PAX1: variants seen among roughly 807,000 people sequenced by gnomAD.
PAX1 encodes the protein paired box 1.
In PAX1, 18 loss-of-function variants were observed where a neutral mutation model predicts 35.6. The ratio of observed to expected loss-of-function variants is 0.50; its 90% CI spans 0.35 to 0.75. The LOEUF (loss-of-function observed/expected upper bound fraction) is 0.75. Ranked by LOEUF, PAX1 falls within the 30% of genes least tolerant of loss-of-function variation. The pLI is 0.01. For synonymous variants in PAX1, 397 were observed against 305.2 expected (o/e 1.30, Z -3.14); for missense variants, 760 against 661.5 (o/e 1.15, Z -1.63).
rs1037783809 is a variant in PAX1 at position 21,705,677 on chromosome 20, T to C, written c.-36T>C. On this transcript the variant is annotated 5_prime_UTR_variant, in exon 1 of 5. Coordinates refer to ENST00000613128, the MANE Select transcript of PAX1 (RefSeq NM_001257096.2). ...ACACGTCAAATTGATTCCCGCACGC[T>C]GCAGCCTCCCGGTCAGACGAATTTC... The C allele has an allele frequency of 1.2e-5, 15 of 1,228,892 alleles. No individual in the cohort carries two copies. The highest frequency in any genetic ancestry group is 4.3e-5 in the Admixed American group (1 of 23,128). 76.1% of individuals were successfully genotyped at this position (1,228,892 alleles called of 1,614,324 possible).
rs1268930776 is a variant in PAX1 at position 21,709,742 on chromosome 20, CG to C, written c.1282+300del. ...CACACAGGACGCGTGGGTTTGGATC[CG>C]GTTCTGGCACCTTCGACCAAGTTCC... On this transcript the variant is annotated intron_variant, in intron 4 of 4. Coordinates refer to ENST00000613128, the MANE Select transcript of PAX1 (RefSeq NM_001257096.2). Among the ~76,000 whole-genome samples, 5 of 151,996 alleles carry C rather than the reference CG, an allele frequency of 3.3e-5. 1 individual carries two copies. Among genetic ancestry groups the C allele is most frequent in the Admixed American group, 3.3e-4 (5 of 15,258 alleles).
chr20:21,707,565 C>T (rs1011541844), intron 2 of PAX1, among the ~76,000 whole-genome samples: 3 of 152,100 alleles, frequency 2.0e-5, no homozygotes, highest in Non-Finnish European at 4.4e-5. Flanking sequence ...CTGGAGTTTG[C>T]GGTGATGGCT....
intron 4 of PAX1, among the ~76,000 whole-genome samples, chr20:21,710,439 A>T (rs1051732748): frequency 1.3e-5 from 2 of 152,244 alleles, no homozygotes; most frequent in Non-Finnish European, 2.9e-5. Context: ...GGGTCACCCC[A>T]GGTCGTCCCA....
At chr20:21,708,332 C>A in intron 2 of PAX1, 1 of 650,100 alleles carries the variant, frequency 1.5e-6, no homozygotes, top group Non-Finnish European at 2.8e-6. Flanking sequence ...CGTGGGAAAC[C>A]GGTTGAAGGC....
At chr20:21,711,391 C>T (rs77439543) in intron 4 of PAX1, among the ~76,000 whole-genome samples, 2,111 of 152,274 alleles carry the variant, frequency 0.014, 59 homozygotes, top group African/African-American at 0.049. Flanking sequence ...GTGGAAGTTG[C>T]GGGGAAGCTG....
At chr20:21,708,896 G>A (rs1170171705) in intron 3 of PAX1, among the ~76,000 whole-genome samples, 196 bp downstream of exon 3, 1 of 152,166 alleles carries the variant, frequency 6.6e-6, no homozygotes, top group Admixed American at 6.5e-5. Context: ...TAGAGGGGTT[G>A]ACTTGCCTTT....
At chr20:21,710,861 A>G (rs1355826903) in intron 4 of PAX1, among the ~76,000 whole-genome samples, 1 of 152,272 alleles carries the variant, frequency 6.6e-6, no homozygotes, top group East Asian at 1.9e-4. Context: ...GAAAATTTAT[A>G]AAAATTGGGA....
At position 21,714,882 on chromosome 20, in the gene PAX1, T is replaced by A; in HGVS notation, c.*320T>A. On this transcript the variant is annotated 3_prime_UTR_variant, in exon 5 of 5. Transcript: ENST00000613128. ...CAGCTTCAAATTTCTTTTTTGTCAC[T>A]CCCTTGTCCGTCTCCGTCTCGCCTC... is the stretch of plus-strand genomic sequence containing the variant. 1 of 1,157,272 alleles carries A rather than the reference T, an allele frequency of 8.6e-7. No individual in the cohort carries two copies. Among genetic ancestry groups the A allele is most frequent in the Non-Finnish European group, 1.3e-6 (1 of 787,802 alleles). 71.7% of individuals were successfully genotyped at this position (1,157,272 alleles called of 1,614,324 possible). A position where few individuals can be genotyped will look rare whatever the true frequency, so the allele number is the denominator to read the frequency against.
At chr20:21,714,056 A>G (rs1026075725) in intron 4 of PAX1, among the ~76,000 whole-genome samples, 10 of 152,190 alleles carry the variant, frequency 6.6e-5, no homozygotes, top group Non-Finnish European at 1.5e-4. Flanking sequence ...TGGGGTTTGG[A>G]AAGGGTGAGG....
intron 4 of PAX1, among the ~76,000 whole-genome samples, chr20:21,710,073 GGGT>G (rs1037719698): frequency 2.6e-4 from 38 of 148,978 alleles, no homozygotes; most frequent in African/African-American, 7.1e-4. Flanking sequence ...CTGTGGTTGT[GGGT>G]GGTGGTGGTG....
chr20:21,714,448 C>T (rs1033100420), intron 4 of PAX1, 23 bp from the exon 5 acceptor site: 21 of 1,534,836 alleles, frequency 1.4e-5, no homozygotes, highest in Non-Finnish European at 1.8e-5. Context: ...AGTGATCCGA[C>T]GCCTCTGTGC....
At position 21,705,910 on chromosome 20, in the gene PAX1, C is replaced by T; in HGVS notation, c.198C>T (p.Gly66=). 2 of 1,404,802 alleles carry T rather than the reference C, an allele frequency of 1.4e-6. No individual in the cohort carries two copies. Among genetic ancestry groups the T allele is most frequent in the South Asian group, 1.5e-5 (1 of 65,768 alleles). The allele number at this position is 1,404,802 out of a possible 1,614,324, so 87.0% of individuals were successfully genotyped here. The change falls in exon 1 of 5, where the codon GGC becomes GGT. Residue 66 remains glycine (G), a synonymous_variant. Transcript: ENST00000613128. ...LPLCLSRGGG[G]AQALPDCAGP... The stretch of plus-strand genomic sequence containing the variant: ...TATGCCTCTCACGCGGCGGCGGCGG[C>T]GCCCAAGCTCTCCCGGACTGCGCCG...
Position 21,706,697 on chromosome 20 carries a change from G to T in PAX1, c.546G>T (p.Arg182=), listed in dbSNP as rs200848720. 1.2e-6 allele frequency: 2 copies of T among 1,613,386 alleles called. No individual in the cohort carries two copies. Among genetic ancestry groups the T allele is most frequent in the African/African-American group, 2.7e-5 (2 of 75,070 alleles). The change falls in exon 2 of 5, where the codon CGG becomes CGT. Residue 182 remains arginine (R), a synonymous_variant. Coordinates refer to ENST00000613128, the MANE Select transcript of PAX1 (RefSeq NM_001257096.2). This position sits in a 1 kb window ranked among gnomAD's most constrained non-coding sequence, Gnocchi z 5.3. ...CTCCCAACGTGGTCAAGCACATCCG[G>T]GACTACAAGCAAGGAGACCCTGGCA... The part of the protein sequence containing the change: ...VTTPNVVKHI[R]DYKQGDPGIF...
Position 21,707,029 on chromosome 20 carries a change from G to A in PAX1, c.878G>A (p.Ser293Asn). 6.2e-7 allele frequency: 1 copy of A among 1,613,050 alleles called. No homozygotes were observed. The highest frequency in any genetic ancestry group is 8.5e-7 in the Non-Finnish European group (1 of 1,180,012). ...TCATGGCCCTCGGCACACTCGGTCA[G>A]CAACATCCTGGGCATCCGGACGTTT... The part of the protein sequence containing the change: ...PRSWPSAHSV[S>N]NILGIRTFME... Residue 293 changes from serine (S) to asparagine (N), a missense_variant, in exon 2 of 5, where the codon AGC becomes AAC. This residue lies in a region of PAX1 where 490 missense variants were observed against 428.4 expected (regional missense o/e 1.14). Coordinates refer to ENST00000613128, the MANE Select transcript of PAX1 (RefSeq NM_001257096.2).
rs560571693 is a variant in PAX1 at position 21,714,586 on chromosome 20, C to G, written c.*24C>G. The G allele has an allele frequency of 1.1e-5, 18 of 1,578,012 alleles. No homozygotes were observed. In the South Asian group the frequency reaches 1.9e-4, roughly 17 times the overall value. ...AGGGGCAGCTCTCCCCGGACCCGAG[C>G]CCGGAGGGAACGGCAGGCGGACCCG... On this transcript the variant is annotated 3_prime_UTR_variant, in exon 5 of 5. Transcript: ENST00000613128.
At chr20:21,713,315 G>A (rs892371169) in intron 4 of PAX1, among the ~76,000 whole-genome samples, 56 of 152,160 alleles carry the variant, frequency 3.7e-4, no homozygotes, top group African/African-American at 1.2e-3. Context: ...CAGAGGGGCC[G>A]CTCTGTCCTG....
chr20:21,709,857 C>T (rs967292821), intron 4 of PAX1, among the ~76,000 whole-genome samples: 2 of 152,092 alleles, frequency 1.3e-5, no homozygotes, highest in Non-Finnish European at 2.9e-5. Context: ...TGTTCTGGCA[C>T]CTAAGCCCTT....
intron 4 of PAX1, among the ~76,000 whole-genome samples, chr20:21,713,165 A>G (rs1434263563): frequency 6.6e-6 from 1 of 152,108 alleles, no homozygotes; most frequent in Admixed American, 6.6e-5. Context: ...TTGGCTGAGA[A>G]ACCTCCACCT....
chr20:21,716,959 C>G lies in PAX1; in HGVS notation c.*2397C>G, dbSNP rs754445077. 4 of 152,246 alleles carry G rather than the reference C, an allele frequency of 2.6e-5. No individual in the cohort carries two copies. Among genetic ancestry groups the G allele is most frequent in the Non-Finnish European group, 5.9e-5 (4 of 68,082 alleles). The allele number at this position is 152,246 out of a possible 1,614,324, so 9.4% of individuals were successfully genotyped here. On this transcript the variant is annotated 3_prime_UTR_variant, in exon 5 of 5. Transcript: ENST00000613128. The stretch of plus-strand genomic sequence containing the variant: ...AGAAGAATCTATATGACAACTTCTA[C>G]CTTTGAGTTGTCACCATCCCCATTT...
Sources: allele counts gnomAD v4.1 joint callset (sites outside exome capture counted in the v4.1 genomes callset), GRCh38; gene constraint gnomAD v4.1.1; regional missense constraint gnomAD v4.1.1; non-coding constraint Gnocchi (gnomAD v3.1); transcripts MANE v1.5; gene names NCBI Gene and HGNC (gene_info 2026-07-23, HGNC 2026-07-21).